The following IL13RA1 variants were observed in gnomAD, a reference collection of about 807,000 sequenced individuals.
The protein encoded by IL13RA1 is interleukin 13 receptor subunit alpha 1.
A neutral mutation model predicts 33.8 loss-of-function variants in IL13RA1; 14 were observed. The observed-to-expected ratio is 0.41, with a 90% CI of 0.27 to 0.65. The LOEUF is 0.65. Ranked by LOEUF, IL13RA1 falls within the 30% of genes least tolerant of loss-of-function variation. IL13RA1 has a pLI of 0.28. For missense variants in IL13RA1, 313 were observed against 327.0 expected (o/e 0.96, Z 0.33); for synonymous variants, 116 against 115.7 (o/e 1.00, Z -0.02).
intron 6 of IL13RA1, among the ~76,000 whole-genome samples, chrX:118,764,904 A>G (rs897858913): frequency 6.3e-5 from 7 of 111,499 alleles, no homozygotes; most frequent in African/African-American, 2.0e-4. Flanking sequence ...ATAATACATG[A>G]ACAAAATTAC....
chrX:118,793,842 C>T lies in IL13RA1; in HGVS notation c.*1988C>T, dbSNP rs2018003906. ...TGGCTTCTCTGAGGAAGCTGGGGTT[C>T]ATGACAATGGCAGATGTAAAGTTAT... is the stretch of plus-strand genomic sequence containing the variant. On this transcript the variant is annotated 3_prime_UTR_variant, in exon 11 of 11. Transcript: ENST00000371666. 1 of 111,771 alleles carries T rather than the reference C, an allele frequency of 8.9e-6. No homozygotes were observed. The highest frequency in any genetic ancestry group is 1.9e-5 in the Non-Finnish European group (1 of 53,144). 9.2% of individuals were successfully genotyped at this position (111,771 alleles called of 1,213,427 possible).
chrX:118,789,595 T>C (rs1292476863), intron 10 of IL13RA1, among the ~76,000 whole-genome samples: 1 of 111,779 alleles, frequency 8.9e-6, no homozygotes, highest in Non-Finnish European at 1.9e-5. Flanking sequence ...TTTGTAAAGC[T>C]CTTTACGTAT....
In IL13RA1 at chrX:118,791,864, T is replaced by C. The variant is rs775493962; in HGVS notation, c.*10T>C. 22 of 746,716 alleles carry C rather than the reference T, an allele frequency of 2.9e-5. No homozygotes were observed. The Admixed American group carries it at 5.2e-4, about 18-fold the overall frequency. The allele number at this position is 746,716 out of a possible 1,213,427, so 61.5% of individuals were successfully genotyped here. On this transcript the variant is annotated 3_prime_UTR_variant, in exon 11 of 11. Coordinates refer to ENST00000371666, the MANE Select transcript of IL13RA1 (RefSeq NM_001560.3). ...GAAAGCCTCTCAGTGATGGAGATAA[T>C]TTATTTTTACCTTCACTGTGACCTT... is the stretch of plus-strand genomic sequence containing the variant.
At chrX:118,800,214 G>A in the IL13RA1 span, among the ~76,000 whole-genome samples, 4 of 111,390 alleles carry the variant, frequency 3.6e-5, no homozygotes, top group African/African-American at 1.3e-4. Flanking sequence ...TCAGCAGGAT[G>A]TGGGTGGGGC....
chrX:118,786,551 G>T (rs1302472416), intron 10 of IL13RA1, among the ~76,000 whole-genome samples: 1 of 111,942 alleles, frequency 8.9e-6, no homozygotes, highest in Non-Finnish European at 1.9e-5. Context: ...GTTCATTTTT[G>T]TATGAAATCA....
intron 1 of IL13RA1, among the ~76,000 whole-genome samples, chrX:118,731,525 T>G (rs1206415950): frequency 1.1e-4 from 11 of 102,857 alleles, no homozygotes; most frequent in African/African-American, 4.0e-4. Context: ...TGCAGTGAGC[T>G]AAGATCACAC....
intron 1 of IL13RA1, among the ~76,000 whole-genome samples, chrX:118,729,675 C>T (rs764472403): frequency 4.1e-4 from 46 of 112,596 alleles, no homozygotes; most frequent in Non-Finnish European, 6.8e-4. Context: ...CATTTATGCC[C>T]AGCAGTTTTC....
intron 8 of IL13RA1, among the ~76,000 whole-genome samples, chrX:118,768,647 C>A (rs1014502477): frequency 1.8e-5 from 2 of 111,558 alleles, no homozygotes; most frequent in African/African-American, 6.6e-5. Flanking sequence ...GACAGTTAAT[C>A]TAATGACTAG....
At chrX:118,784,423 A>G (rs1603222706) in intron 10 of IL13RA1, among the ~76,000 whole-genome samples, 1 of 110,562 alleles carries the variant, frequency 9.0e-6, no homozygotes, top group African/African-American at 3.3e-5. Flanking sequence ...TTGTATTTGA[A>G]TGTAACAAAT....
At chrX:118,741,281 C>A in intron 2 of IL13RA1, 125 bp downstream of exon 2, 1 of 481,702 alleles carries the variant, frequency 2.1e-6, no homozygotes, top group Non-Finnish European at 3.5e-6. Flanking sequence ...GTTTAAATTT[C>A]AGTTGGGGAA....
At chrX:118,796,047 A>G (rs150681356), downstream of IL13RA1, among the ~76,000 whole-genome samples, 646 of 112,499 alleles carry the variant, frequency 5.7e-3, 4 homozygotes, top group African/African-American at 0.02. Flanking sequence ...TTCTTCTTGA[A>G]GGTTCTCTGG....
intron 2 of IL13RA1, among the ~76,000 whole-genome samples, chrX:118,741,863 G>A (rs896275725): frequency 1.4e-4 from 15 of 111,013 alleles, no homozygotes; most frequent in Non-Finnish European, 2.8e-4. Context: ...AGGATTTTGA[G>A]TAGGCAGAAT....
intron 8 of IL13RA1, among the ~76,000 whole-genome samples, chrX:118,768,452 A>G (rs1281477129): frequency 4.5e-5 from 5 of 111,761 alleles, no homozygotes; most frequent in Non-Finnish European, 9.4e-5. Context: ...GTTCACTCAT[A>G]TAGTTGTTGG....
chrX:118,745,214 G>A (rs1292811536), intron 2 of IL13RA1, among the ~76,000 whole-genome samples: 2 of 111,717 alleles, frequency 1.8e-5, no homozygotes, highest in African/African-American at 6.5e-5. Context: ...CATCCCTGTC[G>A]GCAGAGCCTA....
chrX:118,751,310 T>G (rs141534074), intron 4 of IL13RA1, among the ~76,000 whole-genome samples: 351 of 112,385 alleles, frequency 3.1e-3, no homozygotes, highest in African/African-American at 0.011. Flanking sequence ...AGTAAACCTT[T>G]ATTTAGAACA....
chrX:118,761,374 C>T (rs1359908705), intron 6 of IL13RA1, 85 bp downstream of exon 6: 4 of 453,090 alleles, frequency 8.8e-6, no homozygotes, highest in Non-Finnish European at 1.5e-5. Context: ...AAACATAGCT[C>T]TTACATTTGT....
At chrX:118,804,106 G>A in the IL13RA1 span, among the ~76,000 whole-genome samples, 1 of 107,388 alleles carries the variant, frequency 9.3e-6, no homozygotes, top group Non-Finnish European at 1.9e-5. Context: ...ACAGGCGCCC[G>A]CCACCACGCC....
chrX:118,745,449 C>G (rs749325108), intron 2 of IL13RA1, among the ~76,000 whole-genome samples: 110 of 111,866 alleles, frequency 9.8e-4, no homozygotes, highest in Non-Finnish European at 1.6e-3. Context: ...TGACCAACTC[C>G]CTTTTCAGAG....
At chrX:118,739,849 C>A (rs1486564902) in intron 1 of IL13RA1, among the ~76,000 whole-genome samples, 1 of 112,026 alleles carries the variant, frequency 8.9e-6, no homozygotes, top group African/African-American at 3.2e-5. Context: ...TATAAAAAAA[C>A]AATTACCAGG....
Sources: gnomAD v4.1 joint callset for allele counts (sites outside exome capture counted in the v4.1 genomes callset) on GRCh38, gnomAD v4.1.1 for gene constraint, MANE v1.5 for transcripts, NCBI Gene and HGNC (gene_info 2026-07-23, HGNC 2026-07-21) for gene names.